CPD: variants seen among roughly 807,000 people sequenced by gnomAD.
CPD encodes metallocarboxypeptidase D.
CPD carries 69 observed loss-of-function variants against 138.3 expected under a neutral mutation model. That is an observed-to-expected ratio of 0.50 (90% confidence interval 0.41 to 0.61). The LOEUF (loss-of-function observed/expected upper bound fraction) is 0.61. Ranked by LOEUF, CPD falls within the 20% of genes least tolerant of loss-of-function variation. The probability of loss-of-function intolerance (pLI) is 0.00; values close to 1 mark genes in which losing one functional copy is unlikely to be tolerated. For synonymous variants in CPD, 651 were observed against 642.1 expected, an observed-to-expected ratio of 1.01 and a Z score of -0.21; for missense variants, 1,432 against 1,733.3, an observed-to-expected ratio of 0.83 and a Z score of 3.09.
At chr17:30,451,910 A>G in intron 14 of CPD, 64 bp downstream of exon 14, 1 of 1,482,930 alleles carries the variant, frequency 6.7e-7, no homozygotes, top group Non-Finnish European at 9.2e-7. Context: ...TAGAAGATTG[A>G]TTGATCCTAT....
At chr17:30,402,383 TG>T (rs1466887876) in intron 2 of CPD, among the ~76,000 whole-genome samples, 13 of 152,138 alleles carry the variant, frequency 8.5e-5, no homozygotes, top group African/African-American at 3.1e-4. Flanking sequence ...CTGGCCAACA[TG>T]GTGAAACCCT....
intron 12 of CPD, chr17:30,447,450 A>G (rs1168570753): frequency 6.6e-6 from 1 of 152,188 alleles, no homozygotes; most frequent in Non-Finnish European, 1.5e-5. Flanking sequence ...ATAGCCTGTG[A>G]TTCCAGGAAA....
intron 2 of CPD, among the ~76,000 whole-genome samples, chr17:30,403,294 C>G (rs577522471): frequency 1.3e-5 from 2 of 152,202 alleles, no homozygotes; most frequent in South Asian, 2.1e-4. Flanking sequence ...AGGGGCCAGT[C>G]TGGGTGCTGG....
intron 6 of CPD, among the ~76,000 whole-genome samples, chr17:30,426,765 G>T (rs1912422124): frequency 6.6e-6 from 1 of 152,164 alleles, no homozygotes; most frequent in African/African-American, 2.4e-5. Flanking sequence ...TACAAAGGTG[G>T]TTTAGTTTTG....
intron 2 of CPD, among the ~76,000 whole-genome samples, chr17:30,415,256 T>C (rs1338457199): frequency 6.6e-6 from 1 of 152,160 alleles, no homozygotes; most frequent in African/African-American, 2.4e-5. Flanking sequence ...ATCTCCATGC[T>C]TCCCCATTTG....
At chr17:30,435,273 T>C (rs1221256923) in intron 8 of CPD, among the ~76,000 whole-genome samples, 1 of 152,024 alleles carries the variant, frequency 6.6e-6, no homozygotes, top group Non-Finnish European at 1.5e-5. Context: ...GCTACAGTAA[T>C]TAAGACAGTG....
chr17:30,442,578 A>G (rs1191033753), intron 10 of CPD, 128 bp downstream of exon 10: 1 of 868,528 alleles, frequency 1.2e-6, no homozygotes, highest in Non-Finnish European at 1.7e-6. Context: ...AGTATATTTA[A>G]CCAGTTTGTA....
At chr17:30,452,103 A>T (rs1913180656) in intron 14 of CPD, among the ~76,000 whole-genome samples, 1 of 152,108 alleles carries the variant, frequency 6.6e-6, no homozygotes. Flanking sequence ...TTGTGTAGAG[A>T]TGTGTATTCT....
At chr17:30,390,012 C>T (rs978746836) in intron 2 of CPD, among the ~76,000 whole-genome samples, 2 of 151,554 alleles carry the variant, frequency 1.3e-5, no homozygotes, top group African/African-American at 4.9e-5. Context: ...CCCGGATGTC[C>T]TGGAGTAATT....
intron 6 of CPD, among the ~76,000 whole-genome samples, chr17:30,424,992 G>C (rs1160271332): frequency 6.6e-6 from 1 of 152,068 alleles, no homozygotes; most frequent in Non-Finnish European, 1.5e-5. Flanking sequence ...ACTTATATAT[G>C]TATATATTTC....
At chr17:30,406,976 G>T (rs1310856923) in intron 2 of CPD, among the ~76,000 whole-genome samples, 1 of 151,870 alleles carries the variant, frequency 6.6e-6, no homozygotes, top group East Asian at 1.9e-4. Flanking sequence ...TACCCCACCC[G>T]CCTACAGGTC....
At chr17:30,442,526 C>T (rs1200186393) in intron 10 of CPD, 76 bp downstream of exon 10, 6 of 1,445,896 alleles carry the variant, frequency 4.1e-6, no homozygotes, top group Non-Finnish European at 5.7e-6. Context: ...GGTTTTTGTG[C>T]AGTGATTTTG....
rs978596526 is a variant in CPD, at chr17:30,447,203, G to T, written c.2873+1183G>T. 5.3e-5 allele frequency among the ~76,000 whole-genome samples: 8 copies of T among 152,110 alleles called. No individual in the cohort carries two copies. In the East Asian group the frequency reaches 7.7e-4, roughly 15 times the overall value. The stretch of plus-strand genomic sequence containing the variant: ...AATGAGATCCCATTTGTCAATTTTG[G>T]CTTTTGTTGCCATTGCTATTGGTGT... On this transcript the variant is annotated intron_variant, in intron 12 of 20. Transcript: ENST00000225719.
At chr17:30,424,656 A>C (rs1567875407) in intron 6 of CPD, among the ~76,000 whole-genome samples, 2 of 152,226 alleles carry the variant, frequency 1.3e-5, no homozygotes, top group African/African-American at 4.8e-5. Flanking sequence ...CCCTCTGCAT[A>C]TTCCAGACTT....
At chr17:30,387,925 A>C (rs1045695529) in intron 2 of CPD, among the ~76,000 whole-genome samples, 2 of 152,186 alleles carry the variant, frequency 1.3e-5, no homozygotes, top group African/African-American at 4.8e-5. Flanking sequence ...CAAGACAAAG[A>C]GGAGCTTTAT....
At position 30,465,131 on chromosome 17, in the gene CPD, A is replaced by C. The variant is rs76996955; in HGVS notation, c.*317A>C. On this transcript the variant is annotated 3_prime_UTR_variant, in exon 21 of 21. Coordinates refer to ENST00000225719, the MANE Select transcript of CPD (RefSeq NM_001304.5). ...CCAACTAGAGGATGTTGTATTTTGCACATCAGATGTTTACTAGTGGCTTTA... is the reference window on the plus strand; with the variant it reads ...CCAACTAGAGGATGTTGTATTTTGCCCATCAGATGTTTACTAGTGGCTTTA... 521 of 265,562 alleles carry C rather than the reference A, an allele frequency of 2.0e-3. 2 individuals carry two copies. The highest frequency in any genetic ancestry group is 0.011 in the African/African-American group (489 of 44,974). The allele number at this position is 265,562 out of a possible 1,614,324, so 16.5% of individuals were successfully genotyped here. A position where few individuals can be genotyped will look rare whatever the true frequency, so the allele number is the denominator to read the frequency against.
chr17:30,454,527 A>C (rs558654715), intron 14 of CPD: 2 of 152,464 alleles, frequency 1.3e-5, no homozygotes, highest in South Asian at 4.1e-4. Context: ...AGGAAGTTCT[A>C]TGCTTTCCCA....
At chr17:30,403,149 G>A (rs1911720665) in intron 2 of CPD, among the ~76,000 whole-genome samples, 1 of 152,108 alleles carries the variant, frequency 6.6e-6, no homozygotes, top group South Asian at 2.1e-4. Flanking sequence ...TTGTCTGTTT[G>A]TGCCATCAGG....
At chr17:30,450,728 G>T (rs535344267) in intron 13 of CPD, among the ~76,000 whole-genome samples, 3 of 152,258 alleles carry the variant, frequency 2.0e-5, no homozygotes, top group Non-Finnish European at 4.4e-5. Context: ...GCCTTGTGGT[G>T]CACACCTGTA....
Sources: gnomAD v4.1 joint callset for allele counts (sites outside exome capture counted in the v4.1 genomes callset) on GRCh38, gnomAD v4.1.1 for gene constraint, MANE v1.5 for transcripts, NCBI Gene and HGNC (gene_info 2026-07-23, HGNC 2026-07-21) for gene names.